The following LOC400499 variants were observed in gnomAD, a reference collection of about 807,000 sequenced individuals.
chr16:11,396,528 A>T, the LOC400499 span: 1 of 1,232,188 alleles, frequency 8.1e-7, no homozygotes, highest in East Asian at 3.2e-5. Context: ...GCCCCGGAGA[A>T]GTCAGCTGAA....
At chr16:11,519,371 G>A in the LOC400499 span, among the ~76,000 whole-genome samples, 2 of 152,106 alleles carry the variant, frequency 1.3e-5, no homozygotes, top group African/African-American at 4.8e-5. Flanking sequence ...GGAGGGTGGG[G>A]AGGGGGTTGC....
At chr16:11,508,672 A>G in the LOC400499 span, 2 of 398,922 alleles carry the variant, frequency 5.0e-6, no homozygotes, top group South Asian at 1.3e-4. Context: ...CTAGGGACTC[A>G]GGGCCAAGAA....
chr16:11,388,707 T>C, the LOC400499 span, among the ~76,000 whole-genome samples: 9 of 152,190 alleles, frequency 5.9e-5, no homozygotes, highest in African/African-American at 2.2e-4. Flanking sequence ...AGAGACCAGC[T>C]GAGCCCCACC....
At chr16:11,384,447 TC>T in the LOC400499 span, 1 of 460,308 alleles carries the variant, frequency 2.2e-6, no homozygotes, top group Non-Finnish European at 3.5e-6. Flanking sequence ...AGCAGTAGAG[TC>T]CCACCACCTC....
chr16:11,385,242 T>C, the LOC400499 span: 21 of 1,232,082 alleles, frequency 1.7e-5, no homozygotes, highest in East Asian at 6.6e-4. Context: ...GAGGGTCTTG[T>C]GGTTAAGTTC....
At chr16:11,483,755 G>A in the LOC400499 span, among the ~76,000 whole-genome samples, 1 of 150,960 alleles carries the variant, frequency 6.6e-6, no homozygotes, top group Non-Finnish European at 1.5e-5. Context: ...CATGCCTATA[G>A]TCCCAGCTAC....
At chr16:11,432,663 T>C in the LOC400499 span, among the ~76,000 whole-genome samples, 2 of 152,264 alleles carry the variant, frequency 1.3e-5, no homozygotes, top group African/African-American at 4.8e-5. Flanking sequence ...GGGGACACAG[T>C]TCCTATCATC....
the LOC400499 span, among the ~76,000 whole-genome samples, chr16:11,422,537 T>A: frequency 7.1e-5 from 10 of 141,154 alleles, no homozygotes; most frequent in African/African-American, 2.3e-4. Context: ...TGCCTGAGCA[T>A]GCAGCAGGTG....
At chr16:11,476,879 C>A in the LOC400499 span, 1 of 399,624 alleles carries the variant, frequency 2.5e-6, no homozygotes, top group Non-Finnish European at 4.4e-6. Context: ...ACGCTGGTCA[C>A]CCACCTCAGC....
the LOC400499 span, among the ~76,000 whole-genome samples, chr16:11,480,857 G>C: frequency 9.2e-5 from 14 of 152,150 alleles, no homozygotes; most frequent in South Asian, 2.1e-4. Flanking sequence ...CACACCACAG[G>C]ACAGAGAAAT....
At chr16:11,403,916 T>A in the LOC400499 span, among the ~76,000 whole-genome samples, 1 of 152,138 alleles carries the variant, frequency 6.6e-6, no homozygotes, top group East Asian at 1.9e-4. Flanking sequence ...CCCCAGCTCC[T>A]CTCTATGAGC....
chr16:11,394,143 A>C, the LOC400499 span, among the ~76,000 whole-genome samples: 2 of 151,910 alleles, frequency 1.3e-5, no homozygotes, highest in Non-Finnish European at 2.9e-5. Flanking sequence ...AGGCTTTCCG[A>C]GTTTGCATGG....
chr16:11,383,476 G>A, the LOC400499 span, among the ~76,000 whole-genome samples: 15 of 152,314 alleles, frequency 9.8e-5, no homozygotes, highest in African/African-American at 2.9e-4. Flanking sequence ...TACCTGCCTC[G>A]AGGGGACACA....
chr16:11,414,430 C>T, the LOC400499 span: 120 of 399,896 alleles, frequency 3.0e-4, no homozygotes, highest in African/African-American at 2.2e-3. Flanking sequence ...ACGTCGTGGC[C>T]GAGCCACCAG....
At chr16:11,493,279 G>A in the LOC400499 span, among the ~76,000 whole-genome samples, 5 of 152,204 alleles carry the variant, frequency 3.3e-5, no homozygotes, top group Non-Finnish European at 5.9e-5. Context: ...TCTGCAGGTG[G>A]AGCAGGAAAG....
At chr16:11,488,152 T>C in the LOC400499 span, among the ~76,000 whole-genome samples, 1 of 151,754 alleles carries the variant, frequency 6.6e-6, no homozygotes, top group Non-Finnish European at 1.5e-5. Context: ...GTTACCCGCC[T>C]CTTGGTGTAC....
chr16:11,458,690 G>A, the LOC400499 span, among the ~76,000 whole-genome samples: 1 of 152,044 alleles, frequency 6.6e-6, no homozygotes, highest in African/African-American at 2.4e-5. Context: ...AGTGGTGATG[G>A]TTGCACAAGA....
chr16:11,446,395 C>T, the LOC400499 span, among the ~76,000 whole-genome samples: 6 of 152,010 alleles, frequency 3.9e-5, no homozygotes, highest in Non-Finnish European at 8.8e-5. Flanking sequence ...TGGTCTTAAG[C>T]GATCTTCTCA....
chr16:11,474,413 T>G, the LOC400499 span, among the ~76,000 whole-genome samples: 2 of 152,260 alleles, frequency 1.3e-5, no homozygotes, highest in African/African-American at 4.8e-5. Flanking sequence ...ATTAGCCATT[T>G]TGCCTACTCT....
Sources: gnomAD v4.1 joint callset for allele counts (sites outside exome capture counted in the v4.1 genomes callset) on GRCh38, gnomAD v4.1.1 for gene constraint, MANE v1.5 for transcripts.